RNF157: variants seen among roughly 807,000 people sequenced by gnomAD.
RNF157 encodes the protein E3 ubiquitin ligase RNF157.
A neutral mutation model predicts 88.3 loss-of-function variants in RNF157; 55 were observed. The observed-to-expected ratio is 0.62, with a 90% CI of 0.50 to 0.78. The LOEUF is 0.78. Among genes scored for constraint, RNF157 ranks in the 30% least tolerant of loss-of-function variants. The pLI, the probability that RNF157 is intolerant of heterozygous loss-of-function variation, is 0.00. For synonymous variants in RNF157, 334 were observed against 341.2 expected, an observed-to-expected ratio of 0.98 and a Z score of 0.23; for missense variants, 788 against 860.8, an observed-to-expected ratio of 0.92 and a Z score of 1.06.
chr17:76,207,738 A>T (rs1053600996), intron 2 of RNF157, among the ~76,000 whole-genome samples: 5 of 152,120 alleles, frequency 3.3e-5, no homozygotes, highest in Non-Finnish European at 7.4e-5. Context: ...ATCTTTTGCT[A>T]GAGAGTGGAA....
intron 4 of RNF157, among the ~76,000 whole-genome samples, 195 bp from the exon 5 acceptor site, chr17:76,167,321 G>A (rs996023251): frequency 6.6e-5 from 10 of 152,168 alleles, no homozygotes; most frequent in African/African-American, 2.4e-4. Flanking sequence ...TCCAAAGAAA[G>A]GTAGCTTACT....
chr17:76,217,331 A>C (rs561383744), intron 1 of RNF157, among the ~76,000 whole-genome samples: 6 of 152,064 alleles, frequency 3.9e-5, no homozygotes, highest in Non-Finnish European at 7.4e-5. Context: ...TAAAAGGAAA[A>C]ATAAATTTAC....
Position 76,157,031 on chromosome 17 carries a change from G to A in RNF157, c.1414-710C>T, listed in dbSNP as rs138955578. On this transcript the variant is annotated intron_variant, in intron 13 of 18. Transcript: ENST00000269391. The surrounding 1 kb of genome is among the most constrained non-coding windows in gnomAD (Gnocchi z 5.6). ...GCCCAGGCTGGAGTGCAGTGGTGCG[G>A]TCTTGGCTCACTGCAACCCCTGCCT... Among the ~76,000 whole-genome samples the A allele has an allele frequency of 4.0e-3, 611 of 151,668 alleles. 1 individual carries two copies. Among genetic ancestry groups the A allele is most frequent in the African/African-American group, 0.013 (547 of 41,318 alleles).
At chr17:76,210,896 C>T (rs1225698650) in intron 2 of RNF157, among the ~76,000 whole-genome samples, 1 of 152,086 alleles carries the variant, frequency 6.6e-6, no homozygotes, top group Non-Finnish European at 1.5e-5. Flanking sequence ...CCTCCACTTC[C>T]CGGGTTCAAG....
intron 2 of RNF157, among the ~76,000 whole-genome samples, chr17:76,188,601 C>T (rs917008221): frequency 2.0e-5 from 3 of 152,168 alleles, no homozygotes; most frequent in Admixed American, 2.0e-4. Flanking sequence ...GATAATTCCC[C>T]CCAAAGCAAT....
Position 76,240,196 on chromosome 17 carries a change from C to A in RNF157, c.45G>T (p.Val15=). The A allele has an allele frequency of 1.4e-6, 2 of 1,411,824 alleles. No individual in the cohort carries two copies. Among genetic ancestry groups the A allele is most frequent in the Non-Finnish European group, 1.9e-6 (2 of 1,068,182 alleles). 87.5% of individuals were successfully genotyped at this position (1,411,824 alleles called of 1,614,324 possible). The stretch of plus-strand genomic sequence containing the variant: ...GGTACACGGAATTAGACGGGATGTC[C>A]ACCTCCTCCACGCCCGCGTGCTGCC... ...TSRQHAGVEE[V]DIPSNSVYRY... The change falls in exon 1 of 19, where the codon GTG becomes GTT. Residue 15 remains valine (V), a synonymous_variant. Coordinates refer to ENST00000269391, the MANE Select transcript of RNF157 (RefSeq NM_052916.3). The surrounding 1 kb of genome is among the most constrained non-coding windows in gnomAD (Gnocchi z 4.4).
chr17:76,193,824 A>T (rs76518642), intron 2 of RNF157, among the ~76,000 whole-genome samples: 1,612 of 152,274 alleles, frequency 0.011, 14 homozygotes, highest in Non-Finnish European at 0.018. Context: ...AGGCTGCCGC[A>T]CCCATAGTTT....
intron 1 of RNF157, among the ~76,000 whole-genome samples, chr17:76,229,419 A>G (rs1209323421): frequency 3.9e-5 from 6 of 152,218 alleles, no homozygotes; most frequent in Non-Finnish European, 8.8e-5. Context: ...ACTTCTTTCA[A>G]CAGATTATTG....
chr17:76,180,559 TC>T (rs1004816401), intron 2 of RNF157, among the ~76,000 whole-genome samples: 2 of 152,156 alleles, frequency 1.3e-5, no homozygotes, highest in African/African-American at 4.8e-5. Flanking sequence ...ATTCTTTTTG[TC>T]CCCCATTTTA....
At chr17:76,234,118 TG>T (rs1568081852) in intron 1 of RNF157, among the ~76,000 whole-genome samples, 1 of 152,252 alleles carries the variant, frequency 6.6e-6, no homozygotes, top group Admixed American at 6.5e-5. Context: ...TTCTTATAAA[TG>T]AGATTATTCA....
At chr17:76,185,936 G>T (rs939140609) in intron 2 of RNF157, among the ~76,000 whole-genome samples, 11 of 152,098 alleles carry the variant, frequency 7.2e-5, no homozygotes, top group Non-Finnish European at 1.5e-4. Context: ...ACAGAAGCAA[G>T]CACCAGTATC....
At chr17:76,236,523 C>A (rs2070284583) in intron 1 of RNF157, among the ~76,000 whole-genome samples, 1 of 152,146 alleles carries the variant, frequency 6.6e-6, no homozygotes, top group Non-Finnish European at 1.5e-5. Flanking sequence ...AAAGTACATC[C>A]AAATACAGTA....
intron 3 of RNF157, 69 bp downstream of exon 3, chr17:76,173,633 C>G (rs937620741): frequency 8.1e-6 from 10 of 1,239,890 alleles, no homozygotes; most frequent in Non-Finnish European, 1.0e-5. Flanking sequence ...CTTGGGAAGT[C>G]TGTCCCCCAG....
chr17:76,156,970 T>C (rs958062562), intron 13 of RNF157, among the ~76,000 whole-genome samples: 3 of 150,578 alleles, frequency 2.0e-5, no homozygotes, highest in African/African-American at 7.3e-5. Context: ...TTTTTTCACT[T>C]TTTTTTTTTG....
intron 3 of RNF157, among the ~76,000 whole-genome samples, chr17:76,169,129 C>T (rs567726619): frequency 6.6e-6 from 1 of 152,290 alleles, no homozygotes; most frequent in East Asian, 1.9e-4. Flanking sequence ...CTCTGTAGAA[C>T]CCGTTAGTTG....
At chr17:76,200,648 T>C (rs903542945) in intron 2 of RNF157, among the ~76,000 whole-genome samples, 1 of 152,128 alleles carries the variant, frequency 6.6e-6, no homozygotes, top group Non-Finnish European at 1.5e-5. Context: ...TGTACAACGA[T>C]GTGTGATGAG....
chr17:76,239,878 G>A (rs2070347973), intron 1 of RNF157, among the ~76,000 whole-genome samples: 1 of 152,154 alleles, frequency 6.6e-6, no homozygotes. Flanking sequence ...CCGTCACGGG[G>A]CCGATTACAA....
At position 76,240,116 on chromosome 17, in the gene RNF157, C is replaced by G; in HGVS notation, c.88+37G>C. 1.6e-6 allele frequency: 2 copies of G among 1,235,774 alleles called. No individual in the cohort carries two copies. The highest frequency in any genetic ancestry group is 2.1e-6 in the Non-Finnish European group (2 of 970,056). The allele number at this position is 1,235,774 out of a possible 1,614,324, so 76.6% of individuals were successfully genotyped here. On this transcript the variant is annotated intron_variant, in intron 1 of 18. Transcript: ENST00000269391. This position sits in a 1 kb window ranked among gnomAD's most constrained non-coding sequence, Gnocchi z 4.4. ...GACCCAGACCCCTGCCCCTGCCCCT[C>G]TCCCTCCTCGCGGCTGCGGCGCCCG... is the stretch of plus-strand genomic sequence containing the variant.
intron 18 of RNF157, 120 bp from the exon 19 acceptor site, chr17:76,145,473 C>CCGATGA: frequency 1.5e-6 from 1 of 675,308 alleles, no homozygotes; most frequent in Non-Finnish European, 2.6e-6. Flanking sequence ...ACCTGAGACT[C>CCGATGA]CGATGACGGT....
Sources: allele counts gnomAD v4.1 joint callset (sites outside exome capture counted in the v4.1 genomes callset), GRCh38; gene constraint gnomAD v4.1.1; non-coding constraint Gnocchi (gnomAD v3.1); transcripts MANE v1.5; gene names NCBI Gene and HGNC (gene_info 2026-07-23, HGNC 2026-07-21).